Variants in SYPL2 observed in about 807,000 individuals in gnomAD.
SYPL2 encodes synaptophysin like 2, also known as synaptophysin-like protein 2.
SYPL2 carries 24 observed loss-of-function variants against 31.3 expected under a neutral mutation model. The observed-to-expected ratio is 0.77, with a 90% confidence interval of 0.56 to 1.08. The LOEUF (loss-of-function observed/expected upper bound fraction) is 1.08. SYPL2 is among the 50% of genes least tolerant of loss of function. The pLI is 0.00. For synonymous variants in SYPL2, 144 were observed against 143.1 expected (o/e 1.01, Z -0.05); for missense variants, 342 against 360.1 (o/e 0.95, Z 0.41).
intron 2 of SYPL2, among the ~76,000 whole-genome samples, chr1:109,467,586 G>A (rs1342539961): frequency 1.3e-5 from 2 of 152,092 alleles, no homozygotes; most frequent in Non-Finnish European, 2.9e-5. Context: ...AACCCACCAG[G>A]GCCTGGATGA....
At chr1:109,467,036 C>A in intron 1 of SYPL2, 23 bp from the exon 2 acceptor site, 1 of 1,542,998 alleles carries the variant, frequency 6.5e-7, no homozygotes. Flanking sequence ...GCCCTGACCC[C>A]CCGGCCGGCT....
At chr1:109,474,642 C>T (rs1655942660) in intron 2 of SYPL2, among the ~76,000 whole-genome samples, 1 of 152,066 alleles carries the variant, frequency 6.6e-6, no homozygotes, top group Non-Finnish European at 1.5e-5. Flanking sequence ...CACCTGGCCT[C>T]TCACCTCCTT....
chr1:109,476,760 C>T lies in SYPL2; in HGVS notation c.255-16C>T. 6.2e-7 allele frequency: 1 copy of T among 1,613,012 alleles called. No individual in the cohort carries two copies. The highest frequency in any genetic ancestry group is 8.5e-7 in the Non-Finnish European group (1 of 1,179,696). ...GGATTGCCTGAGCTCAGGATGGCCTCCCCTGCCACCTGCAGGTTGCACCGG... is the reference window on the plus strand; with the variant it reads ...GGATTGCCTGAGCTCAGGATGGCCTTCCCTGCCACCTGCAGGTTGCACCGG... On this transcript the variant is annotated splice_polypyrimidine_tract_variant and intron_variant, in intron 3 of 5. Transcript: ENST00000369872.
At chr1:109,477,724 AC>A in intron 4 of SYPL2, 93 bp from the exon 5 acceptor site, 1 of 1,518,014 alleles carries the variant, frequency 6.6e-7, no homozygotes, top group Non-Finnish European at 8.9e-7. Context: ...CTGTCCTGGC[AC>A]CCTGGGATTG....
At chr1:109,472,797 T>C (rs938950551) in intron 2 of SYPL2, among the ~76,000 whole-genome samples, 5 of 151,794 alleles carry the variant, frequency 3.3e-5, no homozygotes, top group African/African-American at 9.7e-5. Flanking sequence ...TTGTAGTTTC[T>C]GTAGGGGAGG....
Position 109,476,962 on chromosome 1 carries a change from A to G in SYPL2, c.441A>G (p.Lys147=). 6.2e-7 allele frequency: 1 copy of G among 1,614,122 alleles called. No individual in the cohort carries two copies. The highest frequency in any genetic ancestry group is 1.3e-5 in the African/African-American group (1 of 75,016). ...TCCACAACCTCTACACAGAGAACAA[A>G]CGCTTCCCGCTGGTGGTGAGTCAGC... ...LRFHNLYTEN[K]RFPLVDFCVT... Residue 147 remains lysine (K), a synonymous_variant, in exon 4 of 6, where the codon AAA becomes AAG. Transcript: ENST00000369872.
At chr1:109,476,706 C>T in intron 3 of SYPL2, 70 bp from the exon 4 acceptor site, 5 of 1,496,976 alleles carry the variant, frequency 3.3e-6, no homozygotes, top group Non-Finnish European at 4.6e-6. Flanking sequence ...AGAACTAGCA[C>T]AGGACTACTT....
At position 109,480,924 on chromosome 1, in the gene SYPL2, C is replaced by T. The variant is rs1157065007; in HGVS notation, c.*1376C>T. Reference sequence around the variant, plus strand: ...TTAACTGGGTAAGGATCATTTGCTTCCTACCCAGCTCAATCTGCCCTGGCC... The same window carrying T: ...TTAACTGGGTAAGGATCATTTGCTTTCTACCCAGCTCAATCTGCCCTGGCC... On this transcript the variant is annotated 3_prime_UTR_variant, in exon 6 of 6. Coordinates refer to ENST00000369872, the MANE Select transcript of SYPL2 (RefSeq NM_001040709.2). 1.3e-5 allele frequency: 2 copies of T among 152,672 alleles called. No individual in the cohort carries two copies. The highest frequency in any genetic ancestry group is 2.9e-5 in the Non-Finnish European group (2 of 68,056). The allele number at this position is 152,672 out of a possible 1,614,324, so 9.5% of individuals were successfully genotyped here.
Position 109,466,823 on chromosome 1 carries a change from C to A in SYPL2, c.-21C>A. 1 of 1,513,074 alleles carries A rather than the reference C, an allele frequency of 6.6e-7. No homozygotes were observed. The highest frequency in any genetic ancestry group is 8.8e-7 in the Non-Finnish European group (1 of 1,138,020). The allele number at this position is 1,513,074 out of a possible 1,614,324, so 93.7% of individuals were successfully genotyped here. ...CAGAGAGCCAAGCCACCACGCCGCG[C>A]CCAGCGCTCGCCGCGCCAGCATGTC... On this transcript the variant is annotated 5_prime_UTR_variant, in exon 1 of 6. Coordinates refer to ENST00000369872, the MANE Select transcript of SYPL2 (RefSeq NM_001040709.2).
intron 2 of SYPL2, 55 bp from the exon 3 acceptor site, chr1:109,475,526 C>T (rs530565): frequency 0.98 from 1,565,593 of 1,591,110 alleles, 770,297 homozygotes; most frequent in East Asian, 1. Context: ...GGTTAGTTCT[C>T]GACTTTGGCC....
At chr1:109,477,379 A>G (rs558919910) in intron 4 of SYPL2, among the ~76,000 whole-genome samples, 8 of 152,290 alleles carry the variant, frequency 5.3e-5, no homozygotes, top group African/African-American at 1.9e-4. Flanking sequence ...GCGATTATTA[A>G]TATTATTCCT....
chr1:109,472,605 C>CTTTTTTTTTTT (rs59224604), intron 2 of SYPL2, among the ~76,000 whole-genome samples: 2 of 71,082 alleles, frequency 2.8e-5, no homozygotes, highest in African/African-American at 6.1e-5. Context: ...TTTTTCTTTA[C>CTTTTTTTTTTT]TTTTTTTTTT....
Position 109,466,700 on chromosome 1 carries a change from C to T in SYPL2, c.-144C>T, listed in dbSNP as rs1263439660. 1 of 829,006 alleles carries T rather than the reference C, an allele frequency of 1.2e-6. No homozygotes were observed. The highest frequency in any genetic ancestry group is 1.7e-6 in the Non-Finnish European group (1 of 602,046). 51.4% of individuals were successfully genotyped at this position (829,006 alleles called of 1,614,324 possible). A position where few individuals can be genotyped will look rare whatever the true frequency, so the allele number is the denominator to read the frequency against. On this transcript the variant is annotated 5_prime_UTR_variant, in exon 1 of 6. Transcript: ENST00000369872. ...GCCAGCCAGCCAGCCAGACTGGACTCCGGCCCACCGACGGCCGCTCGCGCT... is the reference window on the plus strand; with the variant it reads ...GCCAGCCAGCCAGCCAGACTGGACTTCGGCCCACCGACGGCCGCTCGCGCT...
chr1:109,473,908 A>AT (rs1253449326), intron 2 of SYPL2, among the ~76,000 whole-genome samples: 1 of 151,126 alleles, frequency 6.6e-6, no homozygotes, highest in African/African-American at 2.4e-5. Context: ...AAAAAAAAAA[A>AT]GATGAGGAAA....
intron 2 of SYPL2, among the ~76,000 whole-genome samples, chr1:109,473,002 C>G (rs1276831829): frequency 6.6e-6 from 1 of 152,152 alleles, no homozygotes; most frequent in Non-Finnish European, 1.5e-5. Context: ...TGCTGCCCTT[C>G]CCAGAATGTG....
chr1:109,467,883 T>A (rs915163592), intron 2 of SYPL2, among the ~76,000 whole-genome samples: 1 of 152,242 alleles, frequency 6.6e-6, no homozygotes, highest in Non-Finnish European at 1.5e-5. Flanking sequence ...TTCATTTCTC[T>A]GGACTTCAAT....
chr1:109,468,885 ATT>A lies in SYPL2; in HGVS notation c.129+1753_129+1754del, dbSNP rs1328158192. Among the ~76,000 whole-genome samples, 77 of 151,326 alleles carry A rather than the reference ATT, an allele frequency of 5.1e-4. 1 individual carries two copies. The highest frequency in any genetic ancestry group is 1.6e-3 in the African/African-American group (68 of 41,286). On this transcript the variant is annotated intron_variant, in intron 2 of 5. Transcript: ENST00000369872. ...TGGGGTCAGCACTAATGACCTAGGA[ATT>A]AAGATCTGATAGACTTTTATGATCT...
In SYPL2 at chr1:109,479,589, C is replaced by T. The variant is rs1024232421; in HGVS notation, c.*41C>T. The stretch of plus-strand genomic sequence containing the variant: ...GCTATTCCCGAACTGGACAGCACCT[C>T]TTCAACCACCTCCGGCTTCCAGGAC... On this transcript the variant is annotated 3_prime_UTR_variant, in exon 6 of 6. Transcript: ENST00000369872. 5 of 1,588,478 alleles carry T rather than the reference C, an allele frequency of 3.1e-6. No homozygotes were observed. In the East Asian group the frequency reaches 6.8e-5, roughly 22 times the overall value.
In SYPL2 at chr1:109,481,136, G is replaced by C. The variant is rs1254305039; in HGVS notation, c.*1588G>C. 1 of 152,664 alleles carries C rather than the reference G, an allele frequency of 6.6e-6. No individual in the cohort carries two copies. The highest frequency in any genetic ancestry group is 1.5e-5 in the Non-Finnish European group (1 of 68,062). 9.5% of individuals were successfully genotyped at this position (152,664 alleles called of 1,614,324 possible). A position where few individuals can be genotyped will look rare whatever the true frequency, so the allele number is the denominator to read the frequency against. ...CCATAGTAACATGTGCATTACTGGG[G>C]TACCTAGGAGTCAGGACTTTTGACT... On this transcript the variant is annotated 3_prime_UTR_variant, in exon 6 of 6. Transcript: ENST00000369872.
Sources: allele counts gnomAD v4.1 joint callset (sites outside exome capture counted in the v4.1 genomes callset), GRCh38; gene constraint gnomAD v4.1.1; transcripts MANE v1.5; gene names NCBI Gene and HGNC (gene_info 2026-07-23, HGNC 2026-07-21).